Variants in PLXDC2 observed in about 807,000 individuals in gnomAD.
PLXDC2 encodes the protein plexin domain-containing protein 2.
In PLXDC2, 40 loss-of-function variants were observed where a neutral mutation model predicts 68.9. That is an observed-to-expected ratio of 0.58 (90% CI 0.45 to 0.76). The LOEUF is 0.76. Ranked by LOEUF, PLXDC2 falls within the 30% of genes least tolerant of loss-of-function variation. PLXDC2 has a pLI of 0.00. For synonymous variants in PLXDC2, 243 were observed against 234.2 expected, an observed-to-expected ratio of 1.04 and a Z score of -0.34; for missense variants, 644 against 661.9, an observed-to-expected ratio of 0.97 and a Z score of 0.30.
chr10:19,959,893 G>C (rs926911760), intron 1 of PLXDC2, among the ~76,000 whole-genome samples: 4 of 152,166 alleles, frequency 2.6e-5, no homozygotes, highest in African/African-American at 9.7e-5. Context: ...GACATTTTCT[G>C]TGTCTATTAT....
rs147461619 is a variant in PLXDC2 at position 19,980,308 on chromosome 10, A to G, written c.113-21467A>G. ...CTTAGGAAGGAACCTTATACTCTTC[A>G]GTATCCCTCCCAGAAACTAATTAAC... is the stretch of plus-strand genomic sequence containing the variant. On this transcript the variant is annotated intron_variant, in intron 1 of 13. Coordinates refer to ENST00000377252, the MANE Select transcript of PLXDC2 (RefSeq NM_032812.9). Among the ~76,000 whole-genome samples the G allele has an allele frequency of 3.2e-4, 49 of 152,354 alleles. No homozygotes were observed. The East Asian group carries it at 7.9e-3, about 25-fold the overall frequency.
intron 2 of PLXDC2, among the ~76,000 whole-genome samples, chr10:20,003,463 C>T (rs1422752809): frequency 6.6e-5 from 10 of 152,176 alleles, no homozygotes; most frequent in African/African-American, 2.2e-4. Context: ...GACTGAGTTT[C>T]GCTCTATCAT....
At chr10:20,239,113 G>T (rs12411885) in intron 12 of PLXDC2, among the ~76,000 whole-genome samples, 34,348 of 151,894 alleles carry the variant, frequency 0.23, 3,890 homozygotes, top group East Asian at 0.25. Context: ...ACAAGGTAAG[G>T]CTTAACAAAG....
intron 1 of PLXDC2, among the ~76,000 whole-genome samples, chr10:19,861,192 G>A (rs975591061): frequency 2.0e-5 from 3 of 151,560 alleles, no homozygotes; most frequent in Non-Finnish European, 2.9e-5. Flanking sequence ...CCACCACCAC[G>A]CCTGGCTAAT....
intron 4 of PLXDC2, 90 bp from the exon 5 acceptor site, chr10:20,143,205 A>T: frequency 7.5e-7 from 1 of 1,332,658 alleles, no homozygotes; most frequent in Non-Finnish European, 1.0e-6. Context: ...TTATTTTCAT[A>T]ATATGACTGT....
intron 12 of PLXDC2, among the ~76,000 whole-genome samples, chr10:20,223,511 C>T (rs1210416286): frequency 6.6e-6 from 1 of 151,954 alleles, no homozygotes; most frequent in Non-Finnish European, 1.5e-5. Context: ...AGGGTTTCCA[C>T]CATGTTGGCC....
intron 4 of PLXDC2, among the ~76,000 whole-genome samples, chr10:20,074,583 T>A (rs752172535): frequency 2.0e-5 from 3 of 152,128 alleles, no homozygotes; most frequent in Non-Finnish European, 4.4e-5. Flanking sequence ...TTCATTAGCT[T>A]TTCAGGAAAT....
At chr10:20,159,302 T>C (rs1490718504) in intron 6 of PLXDC2, among the ~76,000 whole-genome samples, 1 of 152,184 alleles carries the variant, frequency 6.6e-6, no homozygotes, top group Non-Finnish European at 1.5e-5. Context: ...ATTTCATTGC[T>C]CTTGCTACTG....
intron 1 of PLXDC2, among the ~76,000 whole-genome samples, chr10:19,931,952 A>AGT (rs33953625): frequency 0.28 from 41,635 of 149,616 alleles, 6,484 homozygotes; most frequent in South Asian, 0.45. Context: ...TAATTTGGGA[A>AGT]GTGTGTGTGT....
chr10:20,099,588 A>T (rs1212947536), intron 4 of PLXDC2, among the ~76,000 whole-genome samples: 3 of 152,178 alleles, frequency 2.0e-5, no homozygotes, highest in Admixed American at 6.5e-5. Context: ...CTCAGCAAGA[A>T]AATAGAAAAT....
intron 1 of PLXDC2, among the ~76,000 whole-genome samples, chr10:19,992,849 T>A (rs922091407): frequency 1.3e-5 from 2 of 152,254 alleles, no homozygotes; most frequent in African/African-American, 2.4e-5. Context: ...TTTGCTGTTT[T>A]AAATAGCCCA....
At chr10:20,180,951 GT>G (rs1047933037) in intron 9 of PLXDC2, among the ~76,000 whole-genome samples, 12 of 152,008 alleles carry the variant, frequency 7.9e-5, no homozygotes, top group Non-Finnish European at 1.3e-4. Context: ...GAGTGTCTCT[GT>G]TCAAGTCACT....
At chr10:20,184,477 A>G (rs1834652673) in intron 9 of PLXDC2, among the ~76,000 whole-genome samples, 1 of 151,378 alleles carries the variant, frequency 6.6e-6, no homozygotes, top group African/African-American at 2.4e-5. Flanking sequence ...AAAATTTATC[A>G]AGTCAGAAAT....
intron 4 of PLXDC2, among the ~76,000 whole-genome samples, chr10:20,137,426 C>T (rs542725502): frequency 3.3e-5 from 5 of 152,088 alleles, no homozygotes; most frequent in South Asian, 4.1e-4. Context: ...ATTATCGCAT[C>T]GTGTGTGATT....
At chr10:19,881,979 G>A (rs758679122) in intron 1 of PLXDC2, among the ~76,000 whole-genome samples, 5 of 152,226 alleles carry the variant, frequency 3.3e-5, no homozygotes, top group Non-Finnish European at 7.3e-5. Context: ...GTCATCTTAC[G>A]TTGTTAGATA....
At chr10:19,880,158 C>G (rs1837701679) in intron 1 of PLXDC2, among the ~76,000 whole-genome samples, 1 of 152,118 alleles carries the variant, frequency 6.6e-6, no homozygotes, top group South Asian at 2.1e-4. Context: ...ATGATGGTAT[C>G]TGTTACATGG....
intron 12 of PLXDC2, among the ~76,000 whole-genome samples, chr10:20,242,804 G>A (rs951140875): frequency 7.2e-5 from 11 of 152,144 alleles, no homozygotes; most frequent in African/African-American, 2.7e-4. Context: ...CCTGCCTTCA[G>A]GTTCAAGCAA....
chr10:19,885,725 G>A (rs1300169405), intron 1 of PLXDC2, among the ~76,000 whole-genome samples: 8 of 152,080 alleles, frequency 5.3e-5, no homozygotes, highest in Non-Finnish European at 1.2e-4. Context: ...CTCTGTTTTG[G>A]TACCAGTACC....
In PLXDC2 at chr10:20,184,159, TTC is replaced by T. The variant is rs368123367; in HGVS notation, c.1061+6751_1061+6752del. Among the ~76,000 whole-genome samples the T allele has an allele frequency of 7.4e-4, 113 of 151,900 alleles. 1 individual carries two copies. In the East Asian group the frequency reaches 0.018, roughly 24 times the overall value. On this transcript the variant is annotated intron_variant, in intron 9 of 13. Coordinates refer to ENST00000377252, the MANE Select transcript of PLXDC2 (RefSeq NM_032812.9). ...ATTTCCTAACAACTTTTCTACATTT[TTC>T]AACTTTGTTATTTCTACTGCATTTC...
Sources: allele counts gnomAD v4.1 joint callset (sites outside exome capture counted in the v4.1 genomes callset), GRCh38; gene constraint gnomAD v4.1.1; transcripts MANE v1.5; gene names NCBI Gene and HGNC (gene_info 2026-07-23, HGNC 2026-07-21).